The following MROH6 variants were observed in gnomAD, a reference collection of about 807,000 sequenced individuals.
MROH6 encodes the protein maestro heat like repeat family member 6.
MROH6 carries 62 observed loss-of-function variants against 67.7 expected under a neutral mutation model. The observed-to-expected ratio is 0.92, with a 90% confidence interval of 0.75 to 1.13. The LOEUF is 1.13. Among genes scored for constraint, MROH6 ranks in the 50% most tolerant of loss-of-function variants. The probability of loss-of-function intolerance (pLI) is 0.00; values close to 1 mark genes in which losing one functional copy is unlikely to be tolerated. For missense variants in MROH6, 1,175 were observed against 1,029.1 expected (o/e 1.14, Z -1.94); for synonymous variants, 566 against 470.8 (o/e 1.20, Z -2.62).
chr8:143,570,822 C>T, intron 4 of MROH6, 55 bp downstream of exon 4: 3 of 1,330,216 alleles, frequency 2.3e-6, no homozygotes, highest in Non-Finnish European at 1.0e-6. Flanking sequence ...CCTCCCCGCT[C>T]CTCGCCACCC....
chr8:143,568,744 C>G, intron 9 of MROH6, 25 bp from the exon 10 acceptor site: 1 of 1,442,272 alleles, frequency 6.9e-7, no homozygotes, highest in Non-Finnish European at 9.1e-7. Context: ...GCAGTCAGGG[C>G]AGGCGGAGAC....
At position 143,567,680 on chromosome 8, in the gene MROH6, G is replaced by C. The variant is rs1487871425; in HGVS notation, c.1868-4C>G. On this transcript the variant is annotated splice_polypyrimidine_tract_variant and splice_region_variant and intron_variant, in intron 12 of 13. Transcript: ENST00000398882. ...CTGGCGTGGTGGACAAGGAAGCCTG[G>C]ACCACAGCAGATGCATGAGTGCAGG... The C allele has an allele frequency of 6.3e-7, 1 of 1,578,942 alleles. No individual in the cohort carries two copies. The highest frequency in any genetic ancestry group is 1.2e-5 in the South Asian group (1 of 86,568).
At chr8:143,568,863 G>A (rs1823801424) in intron 9 of MROH6, 144 bp from the exon 10 acceptor site, 4 of 617,336 alleles carry the variant, frequency 6.5e-6, no homozygotes, top group Non-Finnish European at 1.1e-5. Flanking sequence ...AACAGGGCCT[G>A]GAGCTGGACC....
In MROH6 at chr8:143,572,157, A is replaced by T. The variant is rs1368648859; in HGVS notation, c.323T>A (p.Val108Asp). Residue 108 changes from valine to aspartate, a missense_variant, in exon 2 of 14, where the codon GTT (valine) becomes GAT (aspartate). Transcript: ENST00000398882. ...QVPQSSWEEG[V>D]LADLALYTAA... ...CGTGTACAACGCGAGGTCGGCAAGA[A>T]CTCCCTCCTCCCAGGAACTCTGGGG... The T allele has an allele frequency of 6.2e-7, 1 of 1,612,800 alleles. No homozygotes were observed. The highest frequency in any genetic ancestry group is 1.1e-5 in the South Asian group (1 of 91,066).
chr8:143,568,082 C>G, intron 11 of MROH6, 60 bp downstream of exon 11: 2 of 1,542,648 alleles, frequency 1.3e-6, no homozygotes, highest in Non-Finnish European at 1.8e-6. Context: ...CCCGGTGAAC[C>G]CTGGAACAAG....
At chr8:143,569,188 A>AG (rs1472668330) in intron 9 of MROH6, among the ~76,000 whole-genome samples, 334 of 852 alleles carry the variant, frequency 0.39, 51 homozygotes, top group African/African-American at 0.53. Flanking sequence ...GGGGCCTGGG[A>AG]GGCGGGGCCT....
chr8:143,571,009 G>A lies in MROH6; in HGVS notation c.603-15C>T. The A allele has an allele frequency of 1.3e-6, 2 of 1,547,582 alleles. No individual in the cohort carries two copies. Among genetic ancestry groups the A allele is most frequent in the Non-Finnish European group, 1.7e-6 (2 of 1,145,932 alleles). On this transcript the variant is annotated splice_polypyrimidine_tract_variant and intron_variant, in intron 3 of 13. Transcript: ENST00000398882. Reference sequence around the variant, plus strand: ...CGGCTGCTACCCTGAGGGTTTGGAGGGGGCTGGTGTGAGACAAGAGATGGG... The same window carrying A: ...CGGCTGCTACCCTGAGGGTTTGGAGAGGGCTGGTGTGAGACAAGAGATGGG...
At chr8:143,568,525 G>A (rs1294147041) in intron 10 of MROH6, 27 bp downstream of exon 10, 5 of 1,508,464 alleles carry the variant, frequency 3.3e-6, no homozygotes, top group African/African-American at 1.4e-5. Context: ...ATGGCATAGG[G>A]GTGGGATGGT....
chr8:143,572,142 G>A lies in MROH6; in HGVS notation c.338C>T (p.Ala113Val), dbSNP rs761661973. The change falls in exon 2 of 14, where the codon GCG becomes GTG. Residue 113 changes from alanine (A) to valine (V), a missense_variant. Coordinates refer to ENST00000398882, the MANE Select transcript of MROH6 (RefSeq NM_001100878.2). ...CTCCAGGCAGGCAGCCGTGTACAACGCGAGGTCGGCAAGAACTCCCTCCTC... is the reference window on the plus strand; with the variant it reads ...CTCCAGGCAGGCAGCCGTGTACAACACGAGGTCGGCAAGAACTCCCTCCTC... ...SWEEGVLADL[A>V]LYTAACLEEA... is the part of the protein sequence containing the mutation. 5 of 1,613,012 alleles carry A rather than the reference G, an allele frequency of 3.1e-6. No individual in the cohort carries two copies. Among genetic ancestry groups the A allele is most frequent in the Non-Finnish European group, 4.2e-6 (5 of 1,179,852 alleles).
rs1275268331 is a variant in MROH6, at chr8:143,567,104, C to T, written c.*135G>A. 2.7e-5 allele frequency: 7 copies of T among 263,724 alleles called. No homozygotes were observed. The highest frequency in any genetic ancestry group is 1.6e-4 in the Admixed American group (1 of 6,200). The allele number at this position is 263,724 out of a possible 1,614,324, so 16.3% of individuals were successfully genotyped here. On this transcript the variant is annotated 3_prime_UTR_variant, in exon 14 of 14. Coordinates refer to ENST00000398882, the MANE Select transcript of MROH6 (RefSeq NM_001100878.2). ...GTGGTGGGTGCCTGAAGAGGGGTCA[C>T]GGGGGTGGGGGGTGGGGGAGGGCAT...
chr8:143,568,846 G>A (rs1304526417), intron 9 of MROH6, 127 bp from the exon 10 acceptor site: 5 of 706,550 alleles, frequency 7.1e-6, no homozygotes, highest in East Asian at 3.0e-5. Flanking sequence ...GTGATCTGGG[G>A]ACAGGGAACA....
intron 11 of MROH6, 95 bp from the exon 12 acceptor site, chr8:143,567,983 G>C: frequency 7.1e-7 from 1 of 1,417,786 alleles, no homozygotes; most frequent in Non-Finnish European, 9.4e-7. Context: ...TTCCAGGGGA[G>C]CCCCCAGGGC....
chr8:143,570,854 T>A (rs531227738), intron 4 of MROH6, 23 bp downstream of exon 4: 72 of 247,164 alleles, frequency 2.9e-4, no homozygotes, highest in Admixed American at 5.7e-4. Context: ...CCCCACCCCC[T>A]GGTAATGGCT....
Position 143,567,171 on chromosome 8 carries a change from G to C in MROH6, c.*68C>G, listed in dbSNP as rs1176411933. On this transcript the variant is annotated 3_prime_UTR_variant, in exon 14 of 14. Transcript: ENST00000398882. ...GCCCAGGGAGCCCCTCCGTCAGGGC[G>C]GGGACAGGCTGCTATGCGCGTGGGG... The C allele has an allele frequency of 1.1e-6, 1 of 904,202 alleles. No homozygotes were observed. The highest frequency in any genetic ancestry group is 1.7e-5 in the African/African-American group (1 of 57,718). 56.0% of individuals were successfully genotyped at this position (904,202 alleles called of 1,614,324 possible). A position where few individuals can be genotyped will look rare whatever the true frequency, so the allele number is the denominator to read the frequency against.
rs1440468152 is a variant in MROH6 at position 143,572,736 on chromosome 8, C to T, written c.-22G>A. 4 of 1,452,848 alleles carry T rather than the reference C, an allele frequency of 2.8e-6. No homozygotes were observed. The highest frequency in any genetic ancestry group is 2.8e-5 in the South Asian group (2 of 70,992). The allele number at this position is 1,452,848 out of a possible 1,614,324, so 90.0% of individuals were successfully genotyped here. On this transcript the variant is annotated 5_prime_UTR_variant, in exon 1 of 14. Coordinates refer to ENST00000398882, the MANE Select transcript of MROH6 (RefSeq NM_001100878.2). ...CCATGGCGGCCCTTGCCTGCAGCAC[C>T]TGCCGCTGCTCCTCCTGCGAAGTTG...
chr8:143,567,777 C>A lies in MROH6; in HGVS notation c.1867+9G>T, dbSNP rs772994828. Reference sequence around the variant, plus strand: ...GTGCCAGGGGCAGTGTGACCCCGGGCGGCCTCACCTATAAGCACGGCGGCT... The same window carrying A: ...GTGCCAGGGGCAGTGTGACCCCGGGAGGCCTCACCTATAAGCACGGCGGCT... On this transcript the variant is annotated intron_variant, in intron 12 of 13. Transcript: ENST00000398882. 4.5e-6 allele frequency: 7 copies of A among 1,562,520 alleles called. No individual in the cohort carries two copies. The highest frequency in any genetic ancestry group is 1.4e-5 in the African/African-American group (1 of 73,514).
rs562940042 is a variant in MROH6, at chr8:143,572,490, G to A, written c.225C>T (p.Val75=). The A allele has an allele frequency of 1.9e-6, 3 of 1,604,364 alleles. No individual in the cohort carries two copies. Among genetic ancestry groups the A allele is most frequent in the Admixed American group, 1.7e-5 (1 of 59,336 alleles). Residue 75 remains valine (V), a synonymous_variant, in exon 1 of 14, where the codon GTC becomes GTT. Transcript: ENST00000398882. ...AGCAGGGCTCGCTGCCAGCTTCAGG[G>A]ACGGTGGCCCCACGTCCAGGCTCTG... ...SEAEPGRGAT[V]PEAGSEPCSL...
intron 2 of MROH6, 74 bp downstream of exon 2, chr8:143,571,959 C>T (rs535593623): frequency 6.5e-7 from 1 of 1,538,640 alleles, no homozygotes; most frequent in East Asian, 2.3e-5. Context: ...AGGCTGCGCT[C>T]TCCAGGCCCC....
In MROH6 at chr8:143,572,260, C is replaced by G. The variant is rs141522358; in HGVS notation, c.295-75G>C. 4,757 of 1,570,278 alleles carry G rather than the reference C, an allele frequency of 3.0e-3. 12 individuals are homozygous for G. The highest frequency in any genetic ancestry group is 4.8e-3 in the Middle Eastern group (28 of 5,860). ...CTCCTCCTGGTCCCTCGGCCTCCCA[C>G]CTGGCTTCCTACAAAATCCCTTGCT... On this transcript the variant is annotated intron_variant, in intron 1 of 13. Coordinates refer to ENST00000398882, the MANE Select transcript of MROH6 (RefSeq NM_001100878.2).
Sources: allele counts gnomAD v4.1 joint callset (sites outside exome capture counted in the v4.1 genomes callset), GRCh38; gene constraint gnomAD v4.1.1; transcripts MANE v1.5; gene names NCBI Gene and HGNC (gene_info 2026-07-23, HGNC 2026-07-21).